STAMBPL1: variants seen among roughly 807,000 people sequenced by gnomAD.
The protein encoded by STAMBPL1 is AMSH-like protease.
STAMBPL1 carries 44 observed loss-of-function variants against 52.9 expected under a neutral mutation model. That is an observed-to-expected ratio of 0.83 (90% confidence interval 0.65 to 1.07). The LOEUF (loss-of-function observed/expected upper bound fraction) is 1.07. Ranked by LOEUF, STAMBPL1 falls within the 50% of genes least tolerant of loss-of-function variation. STAMBPL1 has a pLI of 0.00. For synonymous variants in STAMBPL1, 164 were observed against 177.3 expected (o/e 0.92, Z 0.60); for missense variants, 511 against 520.8 (o/e 0.98, Z 0.18).
At chr10:88,891,332 C>T (rs937558246) in intron 1 of STAMBPL1, among the ~76,000 whole-genome samples, 1 of 151,864 alleles carries the variant, frequency 6.6e-6, no homozygotes, top group Non-Finnish European at 1.5e-5. Context: ...TTAAAAATTC[C>T]ATGTAAAAAT....
intron 5 of STAMBPL1, chr10:88,912,259 T>C (rs1442420184): frequency 6.6e-6 from 1 of 152,246 alleles, no homozygotes; most frequent in African/African-American, 2.4e-5. Flanking sequence ...CACCTGAATG[T>C]GCCACTATAA....
Position 88,914,666 on chromosome 10 carries a change from C to A in STAMBPL1, c.903+8C>A. On this transcript the variant is annotated splice_region_variant and intron_variant, in intron 7 of 10. Coordinates refer to ENST00000371926, the MANE Select transcript of STAMBPL1 (RefSeq NM_020799.4). Reference sequence around the variant, plus strand: ...ATACTCTGTGGAAAACTGGTATGATCTTTTTATATAAATATATATATATAT... The same window carrying A: ...ATACTCTGTGGAAAACTGGTATGATATTTTTATATAAATATATATATATAT... The A allele has an allele frequency of 2.6e-6, 3 of 1,164,806 alleles. No individual in the cohort carries two copies. The highest frequency in any genetic ancestry group is 3.4e-6 in the Non-Finnish European group (3 of 886,470). The allele number at this position is 1,164,806 out of a possible 1,614,324, so 72.2% of individuals were successfully genotyped here. A position where few individuals can be genotyped will look rare whatever the true frequency, so the allele number is the denominator to read the frequency against.
At chr10:88,901,872 T>G in intron 2 of STAMBPL1, 134 bp downstream of exon 2, 1 of 791,370 alleles carries the variant, frequency 1.3e-6, no homozygotes, top group Non-Finnish European at 2.0e-6. Context: ...TCTGTGTGGT[T>G]GTCTTCTTTG....
At chr10:88,916,062 T>C (rs1845361718) in intron 7 of STAMBPL1, among the ~76,000 whole-genome samples, 1 of 152,156 alleles carries the variant, frequency 6.6e-6, no homozygotes, top group African/African-American at 2.4e-5. Flanking sequence ...TCAACTCTTA[T>C]CTTTTGCCTA....
At chr10:88,915,483 A>G (rs1674901364) in intron 7 of STAMBPL1, among the ~76,000 whole-genome samples, 1 of 152,238 alleles carries the variant, frequency 6.6e-6, no homozygotes, top group Non-Finnish European at 1.5e-5. Context: ...ATGGGCATCT[A>G]TAGTCGCCTC....
Position 88,892,063 on chromosome 10 carries a change from A to G in STAMBPL1, c.-53-9593A>G, listed in dbSNP as rs76108924. On this transcript the variant is annotated intron_variant, in intron 1 of 10. Coordinates refer to ENST00000371926, the MANE Select transcript of STAMBPL1 (RefSeq NM_020799.4). ...CTTATAGAATAAAGATATATCAAGA[A>G]AAAAAGATGAAATATTAATATTTGA... is the stretch of plus-strand genomic sequence containing the variant. Among the ~76,000 whole-genome samples, 1,442 of 152,254 alleles carry G rather than the reference A, an allele frequency of 9.5e-3. 13 individuals are homozygous for G. Among genetic ancestry groups the G allele is most frequent in the South Asian group, 0.042 (203 of 4,822 alleles).
chr10:88,897,664 G>A (rs1336873507), intron 1 of STAMBPL1, among the ~76,000 whole-genome samples: 1 of 152,176 alleles, frequency 6.6e-6, no homozygotes, highest in Non-Finnish European at 1.5e-5. Flanking sequence ...AAGTGTGGCT[G>A]TGACAAGCGC....
chr10:88,919,831 G>A (rs1845463062), intron 8 of STAMBPL1, among the ~76,000 whole-genome samples: 1 of 148,904 alleles, frequency 6.7e-6, no homozygotes, highest in South Asian at 2.2e-4. Flanking sequence ...GAAAAAAAAC[G>A]TTGTCTTGCC....
intron 1 of STAMBPL1, among the ~76,000 whole-genome samples, chr10:88,900,093 A>G (rs139082159): frequency 1.2e-3 from 180 of 152,278 alleles, no homozygotes; most frequent in African/African-American, 1.9e-3. Context: ...TTAGAGCTCA[A>G]TGTTTACCCC....
At position 88,905,625 on chromosome 10, in the gene STAMBPL1, G is replaced by T. The variant is rs945924949; in HGVS notation, c.213G>T (p.Leu71Phe). Residue 71 changes from leucine (L) to phenylalanine (F), a missense_variant, in exon 3 of 11, where the codon TTG becomes TTT. By Grantham distance (22) the Leu-to-Phe change is conservative (BLOSUM62 0). This residue lies in a region of STAMBPL1 where 358 missense variants were observed against 343.5 expected (regional missense o/e 1.04). Transcript: ENST00000371926. ...MASVYLEEGNLENAFVLYNKF... is the reference protein window; with the variant it reads ...MASVYLEEGNFENAFVLYNKF... ...CTGTGTATTTGGAAGAAGGAAATTT[G>T]GAAAATGCCTTTGTTCTTTATAATA... 6.2e-7 allele frequency: 1 copy of T among 1,613,964 alleles called. No individual in the cohort carries two copies. Among genetic ancestry groups the T allele is most frequent in the African/African-American group, 1.3e-5 (1 of 75,014 alleles).
intron 1 of STAMBPL1, 74 bp downstream of exon 1, chr10:88,880,712 T>G (rs1477832596): frequency 2.0e-5 from 3 of 152,188 alleles, no homozygotes; most frequent in African/African-American, 7.2e-5. Context: ...TGCGTCTGCC[T>G]CGTGGCCTGG....
chr10:88,880,752 C>G (rs1321235170), intron 1 of STAMBPL1, 114 bp downstream of exon 1: 2 of 152,196 alleles, frequency 1.3e-5, no homozygotes, highest in Non-Finnish European at 2.9e-5. Flanking sequence ...TGGCAGCGTC[C>G]GGTCCCGGGC....
intron 4 of STAMBPL1, among the ~76,000 whole-genome samples, chr10:88,910,203 A>G (rs1564630328): frequency 6.6e-6 from 1 of 152,226 alleles, no homozygotes; most frequent in Non-Finnish European, 1.5e-5. Flanking sequence ...TGAAAGAGCT[A>G]GAGTCAGGAG....
intron 1 of STAMBPL1, among the ~76,000 whole-genome samples, chr10:88,898,437 G>C (rs1231651869): frequency 2.6e-5 from 4 of 152,186 alleles, no homozygotes; most frequent in Non-Finnish European, 5.9e-5. Flanking sequence ...ACCTGTTTAT[G>C]TTGATCTTGC....
At chr10:88,908,821 A>G in intron 4 of STAMBPL1, 44 bp downstream of exon 4, 1 of 1,476,704 alleles carries the variant, frequency 6.8e-7, no homozygotes. Flanking sequence ...AATGCTCCAT[A>G]AGTATCCATT....
At chr10:88,912,086 C>T (rs1185623947) in intron 5 of STAMBPL1, among the ~76,000 whole-genome samples, 1 of 152,172 alleles carries the variant, frequency 6.6e-6, no homozygotes, top group African/African-American at 2.4e-5. Flanking sequence ...TTTAGAATAG[C>T]AGGACTGAGC....
chr10:88,890,533 G>T (rs1375034917), intron 1 of STAMBPL1, among the ~76,000 whole-genome samples: 2 of 152,222 alleles, frequency 1.3e-5, no homozygotes, highest in African/African-American at 2.4e-5. Context: ...GCACATGCAG[G>T]TGATAGATTG....
chr10:88,884,337 T>C (rs1844476685), intron 1 of STAMBPL1, among the ~76,000 whole-genome samples: 1 of 152,170 alleles, frequency 6.6e-6, no homozygotes, highest in South Asian at 2.1e-4. Context: ...TTCCTCCATG[T>C]CATATTAAGG....
intron 6 of STAMBPL1, among the ~76,000 whole-genome samples, 162 bp from the exon 7 acceptor site, chr10:88,914,372 A>G (rs1845313645): frequency 6.6e-6 from 1 of 152,140 alleles, no homozygotes; most frequent in African/African-American, 2.4e-5. Context: ...CTTCTAGTTA[A>G]TGTTTACTTC....
Sources: allele counts gnomAD v4.1 joint callset (sites outside exome capture counted in the v4.1 genomes callset), GRCh38; gene constraint gnomAD v4.1.1; regional missense constraint gnomAD v4.1.1; transcripts MANE v1.5; gene names NCBI Gene and HGNC (gene_info 2026-07-23, HGNC 2026-07-21).